The following ZFAT variants were observed in gnomAD, a reference collection of about 807,000 sequenced individuals.
ZFAT encodes zinc finger protein ZFAT.
ZFAT carries 64 observed loss-of-function variants against 117.7 expected under a neutral mutation model. The ratio of observed to expected loss-of-function variants is 0.54; its 90% CI spans 0.44 to 0.67. The LOEUF (loss-of-function observed/expected upper bound fraction) is 0.67, where lower values mean the gene tolerates loss of function less well. Among genes scored for constraint, ZFAT ranks in the 30% least tolerant of loss-of-function variants. ZFAT has a pLI of 0.00. For missense variants in ZFAT, 1,433 were observed against 1,584.5 expected (o/e 0.90, Z 1.62); for synonymous variants, 679 against 615.0 (o/e 1.10, Z -1.54).
intron 13 of ZFAT, 39 bp from the exon 14 acceptor site, chr8:134,512,640 A>G: frequency 6.3e-7 from 1 of 1,593,292 alleles, no homozygotes; most frequent in Non-Finnish European, 8.5e-7. Context: ...CTCCTAAAAG[A>G]TTGACTGTTG....
chr8:134,731,258 AC>A, the ZFAT span, among the ~76,000 whole-genome samples: 1 of 149,596 alleles, frequency 6.7e-6, no homozygotes, highest in Non-Finnish European at 1.5e-5. Flanking sequence ...CTCAACAGAA[AC>A]ACATATGTAT....
chr8:134,480,689 G>A (rs993440449), intron 15 of ZFAT, among the ~76,000 whole-genome samples: 1 of 152,208 alleles, frequency 6.6e-6, no homozygotes, highest in Non-Finnish European at 1.5e-5. Context: ...AGGAGGTGTA[G>A]GGAGCAGCAA....
At chr8:134,728,012 C>T in the ZFAT span, among the ~76,000 whole-genome samples, 2 of 152,180 alleles carry the variant, frequency 1.3e-5, no homozygotes, top group African/African-American at 4.8e-5. Flanking sequence ...TGGTACTGAG[C>T]AGACATGCTG....
At chr8:134,802,141 T>C in the ZFAT span, among the ~76,000 whole-genome samples, 1 of 152,180 alleles carries the variant, frequency 6.6e-6, no homozygotes, top group African/African-American at 2.4e-5. Context: ...GTTTGTAATA[T>C]GGTACAGATA....
chr8:134,553,177 T>C (rs6578231), intron 11 of ZFAT, among the ~76,000 whole-genome samples: 82,216 of 151,972 alleles, frequency 0.54, 22,426 homozygotes, highest in East Asian at 0.67. Context: ...AGAAGGAGGC[T>C]GTTTATTAAG....
intron 2 of ZFAT, among the ~76,000 whole-genome samples, chr8:134,645,262 A>C (rs142339778): frequency 6.6e-6 from 1 of 152,254 alleles, no homozygotes; most frequent in Non-Finnish European, 1.5e-5. Flanking sequence ...GTAGCTCTCA[A>C]TTTAAAATGA....
intron 7 of ZFAT, among the ~76,000 whole-genome samples, chr8:134,595,821 A>C (rs1826885886): frequency 6.6e-6 from 1 of 152,220 alleles, no homozygotes; most frequent in Admixed American, 6.5e-5. Flanking sequence ...AATGGCTCTA[A>C]GAGTCACAGA....
intron 10 of ZFAT, among the ~76,000 whole-genome samples, chr8:134,583,178 T>C (rs963371812): frequency 7.2e-5 from 11 of 152,044 alleles, no homozygotes; most frequent in African/African-American, 2.7e-4. Flanking sequence ...GCACTTACCT[T>C]TACCGTGGCC....
the ZFAT span, among the ~76,000 whole-genome samples, chr8:134,729,774 GC>G: frequency 4.6e-5 from 7 of 152,256 alleles, no homozygotes; most frequent in East Asian, 1.4e-3. Context: ...ACCCTCACAA[GC>G]TTGGGTCCTG....
At chr8:134,490,912 C>G (rs1438853476) in intron 15 of ZFAT, among the ~76,000 whole-genome samples, 3 of 152,138 alleles carry the variant, frequency 2.0e-5, no homozygotes, top group Non-Finnish European at 4.4e-5. Context: ...GCTGTCCTCC[C>G]CCTGCCTAGA....
At chr8:134,743,856 G>A in the ZFAT span, among the ~76,000 whole-genome samples, 1 of 152,166 alleles carries the variant, frequency 6.6e-6, no homozygotes, top group African/African-American at 2.4e-5. Flanking sequence ...TCTCCACCCA[G>A]GGCTGCCAGA....
At position 134,478,286 on chromosome 8, in the gene ZFAT, G is replaced by T. The variant is rs1817020344; in HGVS notation, c.*196C>A. On this transcript the variant is annotated 3_prime_UTR_variant, in exon 16 of 16. Transcript: ENST00000377838. The surrounding 1 kb of genome is among the most constrained non-coding windows in gnomAD (Gnocchi z 5.2). ...GGTGTGTGTCTATGCTGGGGTGAGG[G>T]TCCTGTGGTATTGCTGGTGATGCTG... 7.3e-6 allele frequency: 5 copies of T among 683,476 alleles called. No individual in the cohort carries two copies. In the South Asian group the frequency reaches 9.6e-5, roughly 13 times the overall value. The allele number at this position is 683,476 out of a possible 1,614,324, so 42.3% of individuals were successfully genotyped here.
At chr8:134,672,592 T>C (rs1262917208) in intron 1 of ZFAT, among the ~76,000 whole-genome samples, 1 of 152,068 alleles carries the variant, frequency 6.6e-6, no homozygotes, top group Non-Finnish European at 1.5e-5. Flanking sequence ...AGACACATCA[T>C]AATCAAATCT....
the ZFAT span, chr8:134,766,352 T>C: frequency 1.3e-5 from 2 of 152,232 alleles, no homozygotes; most frequent in African/African-American, 4.8e-5. Context: ...CAACATTTTT[T>C]TAAAAAGTAT....
At chr8:134,694,196 C>T (rs934118803) in intron 1 of ZFAT, among the ~76,000 whole-genome samples, 2 of 152,146 alleles carry the variant, frequency 1.3e-5, no homozygotes, top group African/African-American at 4.8e-5. Context: ...GAATGAGGCA[C>T]GTGGCTGAGG....
At chr8:134,522,167 C>G (rs995710627) in intron 12 of ZFAT, among the ~76,000 whole-genome samples, 1 of 152,244 alleles carries the variant, frequency 6.6e-6, no homozygotes, top group Non-Finnish European at 1.5e-5. Flanking sequence ...TGCTCTTGAG[C>G]CCCAGGTAAG....
At chr8:134,797,128 G>A in the ZFAT span, 38 of 151,954 alleles carry the variant, frequency 2.5e-4, no homozygotes, top group Non-Finnish European at 5.1e-4. Flanking sequence ...CAGTATTTTG[G>A]TGAATACTGA....
At chr8:134,495,208 C>A (rs900572292) in intron 15 of ZFAT, among the ~76,000 whole-genome samples, 1 of 152,122 alleles carries the variant, frequency 6.6e-6, no homozygotes, top group Admixed American at 6.5e-5. Flanking sequence ...ATAGTTCTGG[C>A]GGCTAGAAGT....
At chr8:134,684,967 C>T (rs1833248595) in intron 1 of ZFAT, among the ~76,000 whole-genome samples, 1 of 152,162 alleles carries the variant, frequency 6.6e-6, no homozygotes, top group South Asian at 2.1e-4. Context: ...CACGTGTCAG[C>T]CATGGGAAGG....
Sources: gnomAD v4.1 joint callset for allele counts (sites outside exome capture counted in the v4.1 genomes callset) on GRCh38, gnomAD v4.1.1 for gene constraint, Gnocchi (gnomAD v3.1) non-coding constraint, MANE v1.5 for transcripts, NCBI Gene and HGNC (gene_info 2026-07-23, HGNC 2026-07-21) for gene names.